Variants in WWOX observed in about 807,000 individuals in gnomAD.
The protein encoded by WWOX is WW domain containing oxidoreductase.
In WWOX, 69 loss-of-function variants were observed where a neutral mutation model predicts 46.2. That is an observed-to-expected ratio of 1.49 (90% CI 1.23 to 1.82). WWOX has a LOEUF of 1.82. Among genes scored for constraint, WWOX ranks in the 40% most tolerant of loss-of-function variants. WWOX has a pLI of 0.00. For synonymous variants in WWOX, 359 were observed against 202.6 expected, an observed-to-expected ratio of 1.77 and a Z score of -6.56; for missense variants, 919 against 542.6, an observed-to-expected ratio of 1.69 and a Z score of -6.89.
intron 8 of WWOX, among the ~76,000 whole-genome samples, chr16:78,912,469 C>A (rs577841230): frequency 6.6e-6 from 1 of 151,924 alleles, no homozygotes; most frequent in East Asian, 1.9e-4. Context: ...TCACCCAAAG[C>A]CACTAACACG....
At chr16:78,813,627 C>A (rs898562789) in intron 8 of WWOX, among the ~76,000 whole-genome samples, 2 of 152,044 alleles carry the variant, frequency 1.3e-5, no homozygotes, top group South Asian at 4.2e-4. Flanking sequence ...ATCACGTATC[C>A]ATTGTGTCTC....
At chr16:79,107,399 TTTATTTG>T (rs1431561923) in intron 8 of WWOX, among the ~76,000 whole-genome samples, 1 of 152,212 alleles carries the variant, frequency 6.6e-6, no homozygotes, top group African/African-American at 2.4e-5. Context: ...AAAATGACTT[TTTATTTG>T]TTATTTTTGT....
intron 8 of WWOX, among the ~76,000 whole-genome samples, chr16:78,650,289 A>T (rs959502924): frequency 6.6e-5 from 10 of 152,242 alleles, no homozygotes; most frequent in Non-Finnish European, 8.8e-5. Flanking sequence ...AAGTATGTGT[A>T]TCCGCTTTTT....
intron 1 of WWOX, among the ~76,000 whole-genome samples, chr16:78,102,166 C>T (rs2031842190): frequency 6.6e-6 from 1 of 152,178 alleles, no homozygotes; most frequent in Admixed American, 6.5e-5. Flanking sequence ...GCCAGCCTCC[C>T]TCCCGAAGCA....
intron 5 of WWOX, among the ~76,000 whole-genome samples, chr16:78,385,270 C>T (rs1043924559): frequency 1.3e-5 from 2 of 152,160 alleles, no homozygotes; most frequent in African/African-American, 2.4e-5. Flanking sequence ...TCATTGCCAT[C>T]CATCTGTCCA....
chr16:78,282,024 C>T (rs1208834231), intron 5 of WWOX, among the ~76,000 whole-genome samples: 1 of 152,194 alleles, frequency 6.6e-6, no homozygotes, highest in Non-Finnish European at 1.5e-5. Context: ...TTCCCCACTA[C>T]CCTTGGCCCA....
chr16:78,729,083 C>T (rs943032951), intron 8 of WWOX, among the ~76,000 whole-genome samples: 1 of 152,136 alleles, frequency 6.6e-6, no homozygotes, highest in East Asian at 1.9e-4. Context: ...TGGCTCATGC[C>T]TGCAATCCCA....
intron 8 of WWOX, among the ~76,000 whole-genome samples, chr16:78,622,282 C>G (rs932263016): frequency 6.6e-6 from 1 of 152,056 alleles, no homozygotes; most frequent in Non-Finnish European, 1.5e-5. Context: ...GTGGCTCATG[C>G]TTGTAATCCC....
intron 5 of WWOX, among the ~76,000 whole-genome samples, chr16:78,381,562 G>A (rs1280632801): frequency 6.2e-4 from 1 of 1,626 alleles, no homozygotes; most frequent in Admixed American, 7.6e-3. Flanking sequence ...TGATGGGTAG[G>A]TAGAGTCTGT....
chr16:78,304,728 G>A lies in WWOX; in HGVS notation c.517-82132G>A, dbSNP rs2080100696. Among the ~76,000 whole-genome samples, 4 of 152,140 alleles carry A rather than the reference G, an allele frequency of 2.6e-5. No individual in the cohort carries two copies. In the South Asian group the frequency reaches 8.3e-4, roughly 32 times the overall value. On this transcript the variant is annotated intron_variant, in intron 5 of 8. Coordinates refer to ENST00000566780, the MANE Select transcript of WWOX (RefSeq NM_016373.4). Reference sequence around the variant, plus strand: ...GCTATTATGAACAACACCATAATGGGCAACCTTGTACACATTTCCTGTCAA... The same window carrying A: ...GCTATTATGAACAACACCATAATGGACAACCTTGTACACATTTCCTGTCAA...
chr16:78,783,101 G>A (rs1416888653), intron 8 of WWOX, among the ~76,000 whole-genome samples: 1 of 152,190 alleles, frequency 6.6e-6, no homozygotes, highest in African/African-American at 2.4e-5. Flanking sequence ...AAAATGAGCA[G>A]CTATGATCAA....
chr16:78,256,839 G>A (rs2038144619), intron 5 of WWOX, among the ~76,000 whole-genome samples: 2 of 152,010 alleles, frequency 1.3e-5, no homozygotes, highest in Admixed American at 6.6e-5. Context: ...ACCTGTAGAA[G>A]TCTCTATCAT....
At chr16:78,467,630 A>C (rs549454308) in intron 8 of WWOX, among the ~76,000 whole-genome samples, 7 of 152,222 alleles carry the variant, frequency 4.6e-5, no homozygotes, top group Non-Finnish European at 8.8e-5. Flanking sequence ...CTTGGGGAAA[A>C]TATAACTGTA....
chr16:78,802,915 G>GAAAAAAAAAAAA lies in WWOX; in HGVS notation c.1056+370179_1056+370190dup, dbSNP rs71376394. On this transcript the variant is annotated intron_variant, in intron 8 of 8. Coordinates refer to ENST00000566780, the MANE Select transcript of WWOX (RefSeq NM_016373.4). ...TGGGTCACAGAGCAAGACTTCATCT[G>GAAAAAAAAAAAA]AAAAAAAAAAAAAAAAAAAAAAAAA... Among the ~76,000 whole-genome samples the GAAAAAAAAAAAA allele has an allele frequency of 2.8e-3, 29 of 10,452 alleles. 4 individuals are homozygous for GAAAAAAAAAAAA. Among genetic ancestry groups the GAAAAAAAAAAAA allele is most frequent in the Non-Finnish European group, 4.5e-3 (24 of 5,386 alleles). 6.9% of individuals were successfully genotyped at this position (10,452 alleles called of 152,430 possible).
At chr16:79,005,625 C>T (rs1418549732) in intron 8 of WWOX, among the ~76,000 whole-genome samples, 1 of 152,144 alleles carries the variant, frequency 6.6e-6, no homozygotes, top group African/African-American at 2.4e-5. Flanking sequence ...TCTGTCTTCT[C>T]ACCACCATCT....
At chr16:78,401,859 T>G (rs73571032) in intron 6 of WWOX, among the ~76,000 whole-genome samples, 13,083 of 151,914 alleles carry the variant, frequency 0.086, 1,152 homozygotes, top group African/African-American at 0.21. Flanking sequence ...GCCACCACGC[T>G]TGGCTAATTT....
intron 8 of WWOX, among the ~76,000 whole-genome samples, chr16:78,926,903 C>G (rs1202870893): frequency 6.6e-6 from 1 of 152,016 alleles, no homozygotes; most frequent in African/African-American, 2.4e-5. Context: ...CTCAAGTGAT[C>G]CTCCCACCTC....
At chr16:78,613,083 A>G (rs1436424784) in intron 8 of WWOX, among the ~76,000 whole-genome samples, 2 of 152,038 alleles carry the variant, frequency 1.3e-5, no homozygotes, top group Non-Finnish European at 1.5e-5. Context: ...TTAGTAACTC[A>G]TGGTTTCTGC....
intron 8 of WWOX, among the ~76,000 whole-genome samples, chr16:78,646,985 C>T (rs1024126032): frequency 1.3e-5 from 2 of 152,164 alleles, no homozygotes; most frequent in African/African-American, 4.8e-5. Context: ...CTGGCTCAGA[C>T]TCTGCTGGGC....
Sources: allele counts gnomAD v4.1 joint callset (sites outside exome capture counted in the v4.1 genomes callset), GRCh38; gene constraint gnomAD v4.1.1; transcripts MANE v1.5; gene names NCBI Gene and HGNC (gene_info 2026-07-23, HGNC 2026-07-21).